FHOD3: variants seen among roughly 807,000 people sequenced by gnomAD.
FHOD3 encodes FH1/FH2 domain-containing protein 3.
Under a neutral mutation model 173.0 loss-of-function variants are expected in FHOD3, and 90 were observed. That is an observed-to-expected ratio of 0.52 (90% CI 0.44 to 0.62). The LOEUF is 0.62. FHOD3 is among the 20% of genes least tolerant of loss of function. FHOD3 has a pLI of 0.00. For missense variants in FHOD3, 1,945 were observed against 2,034.7 expected (o/e 0.96, Z 0.85); for synonymous variants, 828 against 823.0 (o/e 1.01, Z -0.10).
chr18:36,740,017 T>A (rs990562937), intron 20 of FHOD3, among the ~76,000 whole-genome samples: 1 of 152,200 alleles, frequency 6.6e-6, no homozygotes, highest in Non-Finnish European at 1.5e-5. Context: ...ATTTTTACTT[T>A]AAAAAATGTA....
At chr18:36,597,429 G>C (rs935022946) in intron 7 of FHOD3, among the ~76,000 whole-genome samples, 40 of 152,106 alleles carry the variant, frequency 2.6e-4, no homozygotes, top group African/African-American at 9.2e-4. Context: ...TTTTTGTTTT[G>C]TTTTGTTTTG....
At chr18:36,750,140 T>A (rs1451596734) in intron 24 of FHOD3, among the ~76,000 whole-genome samples, 1 of 152,028 alleles carries the variant, frequency 6.6e-6, no homozygotes, top group African/African-American at 2.4e-5. Context: ...ATACAAAAAA[T>A]TAGCTGAGCA....
Position 36,693,085 on chromosome 18 carries a change from A to T in FHOD3, c.2022-124A>T, listed in dbSNP as rs376439774. The T allele has an allele frequency of 1.7e-4, 162 of 930,788 alleles. No individual in the cohort carries two copies. The African/African-American group carries it at 2.2e-3, about 13-fold the overall frequency. 57.7% of individuals were successfully genotyped at this position (930,788 alleles called of 1,614,324 possible). A position where few individuals can be genotyped will look rare whatever the true frequency, so the allele number is the denominator to read the frequency against. ...TTTTTGGCAGGCTGACTCTCCAGCC[A>T]GCCCTGCACTGTGCTGTGTGCATCA... On this transcript the variant is annotated intron_variant, in intron 16 of 28. Coordinates refer to ENST00000590592, the MANE Select transcript of FHOD3 (RefSeq NM_001281740.3).
At chr18:36,331,567 A>G (rs1164989570) in intron 1 of FHOD3, among the ~76,000 whole-genome samples, 3 of 152,234 alleles carry the variant, frequency 2.0e-5, no homozygotes, top group Non-Finnish European at 4.4e-5. Flanking sequence ...CTATGCCAGA[A>G]GAGTAACTAT....
At chr18:36,581,253 T>A (rs2058840592) in intron 6 of FHOD3, among the ~76,000 whole-genome samples, 1 of 152,248 alleles carries the variant, frequency 6.6e-6, no homozygotes. Context: ...GATGTGGATT[T>A]TTTTCTCTTC....
intron 5 of FHOD3, among the ~76,000 whole-genome samples, chr18:36,513,107 CAGTTTAT>C (rs2055752155): frequency 6.6e-6 from 1 of 151,292 alleles, no homozygotes. Context: ...ATTCCTGTTC[CAGTTTAT>C]AGTTAATGGT....
chr18:36,301,953 T>C (rs1487735696), intron 1 of FHOD3, among the ~76,000 whole-genome samples: 2 of 152,238 alleles, frequency 1.3e-5, no homozygotes, highest in Non-Finnish European at 2.9e-5. Context: ...CCTAGGCATT[T>C]GCCTGAGCTG....
chr18:36,336,132 C>A (rs1407401291), intron 1 of FHOD3, among the ~76,000 whole-genome samples: 5 of 152,154 alleles, frequency 3.3e-5, no homozygotes, highest in Non-Finnish European at 7.3e-5. Flanking sequence ...TAAGAAACTG[C>A]ATGTTTAGGC....
intron 24 of FHOD3, among the ~76,000 whole-genome samples, chr18:36,750,784 A>G (rs2042370929): frequency 6.6e-6 from 1 of 152,248 alleles, no homozygotes; most frequent in African/African-American, 2.4e-5. Flanking sequence ...GTCAAAGATC[A>G]GATGGTCATA....
chr18:36,447,676 A>T lies in FHOD3; in HGVS notation c.338-54256A>T, dbSNP rs151021145. Among the ~76,000 whole-genome samples the T allele has an allele frequency of 4.2e-3, 636 of 152,324 alleles. 2 individuals are homozygous for T. The highest frequency in any genetic ancestry group is 7.1e-3 in the Non-Finnish European group (483 of 68,026). On this transcript the variant is annotated intron_variant, in intron 3 of 28. Transcript: ENST00000590592. ...AGACAAGAGCTAGTCAGTGCCCCAAAATGGCAATTGCAACATTATTTCTAA... is the reference window on the plus strand; with the variant it reads ...AGACAAGAGCTAGTCAGTGCCCCAATATGGCAATTGCAACATTATTTCTAA...
chr18:36,691,866 G>A (rs569221071), intron 16 of FHOD3, among the ~76,000 whole-genome samples: 1 of 152,356 alleles, frequency 6.6e-6, no homozygotes, highest in Non-Finnish European at 1.5e-5. Context: ...ACAGAGGATG[G>A]TAATCTTCCT....
chr18:36,488,225 A>T (rs1405345820), intron 3 of FHOD3, among the ~76,000 whole-genome samples: 2 of 152,208 alleles, frequency 1.3e-5, no homozygotes, highest in African/African-American at 4.8e-5. Context: ...CAGTGACATG[A>T]TTGATGCTGG....
chr18:36,652,563 C>A lies in FHOD3; in HGVS notation c.1287-7C>A. ...CTTCTTCCTCCTCCTCCCTGCTGGCCCAACAGCAAGGTCGGCGCTGCCTCA... is the reference window on the plus strand; with the variant it reads ...CTTCTTCCTCCTCCTCCCTGCTGGCACAACAGCAAGGTCGGCGCTGCCTCA... On this transcript the variant is annotated splice_polypyrimidine_tract_variant and splice_region_variant and intron_variant, in intron 11 of 28. Coordinates refer to ENST00000590592, the MANE Select transcript of FHOD3 (RefSeq NM_001281740.3). 6.6e-7 allele frequency: 1 copy of A among 1,521,628 alleles called. No homozygotes were observed. Among genetic ancestry groups the A allele is most frequent in the Non-Finnish European group, 8.8e-7 (1 of 1,137,216 alleles). 94.3% of individuals were successfully genotyped at this position (1,521,628 alleles called of 1,614,324 possible). A position where few individuals can be genotyped will look rare whatever the true frequency, so the allele number is the denominator to read the frequency against.
chr18:36,619,564 G>GT (rs1431744577), intron 9 of FHOD3, among the ~76,000 whole-genome samples: 5 of 152,074 alleles, frequency 3.3e-5, no homozygotes, highest in African/African-American at 1.2e-4. Flanking sequence ...GGCCCTCATC[G>GT]TTTCTTGCCT....
At chr18:36,572,276 A>T (rs2147907331) in intron 5 of FHOD3, among the ~76,000 whole-genome samples, 1 of 152,302 alleles carries the variant, frequency 6.6e-6, no homozygotes, top group Admixed American at 6.5e-5. Flanking sequence ...TCTTGAAAAC[A>T]CAAATCATGA....
At chr18:36,421,737 A>G (rs1004345098) in intron 3 of FHOD3, among the ~76,000 whole-genome samples, 3 of 152,206 alleles carry the variant, frequency 2.0e-5, no homozygotes, top group African/African-American at 4.8e-5. Context: ...TGGGACTGCC[A>G]TGAATGTTTG....
intron 10 of FHOD3, among the ~76,000 whole-genome samples, chr18:36,642,488 G>A (rs1024391887): frequency 2.0e-5 from 3 of 150,926 alleles, no homozygotes; most frequent in East Asian, 1.9e-4. Flanking sequence ...GCGTGGTGGC[G>A]GGTGCCTGTA....
intron 23 of FHOD3, 74 bp from the exon 24 acceptor site, chr18:36,746,871 G>A: frequency 1.7e-6 from 2 of 1,153,660 alleles, no homozygotes; most frequent in Non-Finnish European, 2.4e-6. Flanking sequence ...TCTCCCCAGA[G>A]GCAGTTTTGT....
rs557849812 is a variant in FHOD3, at chr18:36,322,063, G to C, written c.165+24063G>C. On this transcript the variant is annotated intron_variant, in intron 1 of 28. Coordinates refer to ENST00000590592, the MANE Select transcript of FHOD3 (RefSeq NM_001281740.3). ...TTGGTAGCTGGGATGGAGTGTGAGC[G>C]TGACTCCTCTCACCACCCTCTCTGG... 4.6e-5 allele frequency among the ~76,000 whole-genome samples: 7 copies of C among 152,280 alleles called. No individual in the cohort carries two copies. The East Asian group carries it at 1.4e-3, about 29-fold the overall frequency.
Sources: allele counts gnomAD v4.1 joint callset (sites outside exome capture counted in the v4.1 genomes callset), GRCh38; gene constraint gnomAD v4.1.1; transcripts MANE v1.5; gene names NCBI Gene and HGNC (gene_info 2026-07-23, HGNC 2026-07-21).